The following ANKRD17 variants were observed in gnomAD, a reference collection of about 807,000 sequenced individuals.
ANKRD17 encodes the protein ankyrin repeat domain-containing protein 17.
In ANKRD17, 19 loss-of-function variants were observed where a neutral mutation model predicts 229.7. The ratio of observed to expected loss-of-function variants is 0.08; its 90% CI spans 0.06 to 0.12. The LOEUF (loss-of-function observed/expected upper bound fraction) is 0.12, where lower values mean the gene tolerates loss of function less well. Among genes scored for constraint, ANKRD17 ranks in the 10% least tolerant of loss-of-function variants. ANKRD17 has a pLI of 1.00. For missense variants in ANKRD17, 2,176 were observed against 3,176.8 expected (o/e 0.68, Z 7.57); for synonymous variants, 1,112 against 1,146.1 (o/e 0.97, Z 0.60).
chr4:73,102,188 T>TG (rs1724092528), intron 25 of ANKRD17, among the ~76,000 whole-genome samples, 188 bp downstream of exon 25: 1 of 152,172 alleles, frequency 6.6e-6, no homozygotes, highest in Non-Finnish European at 1.5e-5. Flanking sequence ...CTTGAACTCT[T>TG]AGACTCAAGT....
At chr4:73,164,561 C>T (rs1458643027) in intron 2 of ANKRD17, among the ~76,000 whole-genome samples, 2 of 152,002 alleles carry the variant, frequency 1.3e-5, no homozygotes, top group Non-Finnish European at 2.9e-5. Context: ...TACTACTTGG[C>T]GGGTGGATTT....
rs61024099 is a variant in ANKRD17, at chr4:73,086,919, AATATATATATAT to A, written c.6962-1485_6962-1474del. Among the ~76,000 whole-genome samples, 46 of 12,458 alleles carry A rather than the reference AATATATATATAT, an allele frequency of 3.7e-3. 3 individuals carry two copies. Among genetic ancestry groups the A allele is most frequent in the South Asian group, 0.036 (8 of 224 alleles). 8.2% of individuals were successfully genotyped at this position (12,458 alleles called of 152,430 possible). ...TCTCAAAAAAAAAAAAAAAAAAAAA[AATATATATATAT>A]ATATATATATATATATATATATCTG... On this transcript the variant is annotated intron_variant, in intron 29 of 33. Coordinates refer to ENST00000358602, the MANE Select transcript of ANKRD17 (RefSeq NM_032217.5).
At chr4:73,252,296 T>G (rs1312333806) in intron 1 of ANKRD17, among the ~76,000 whole-genome samples, 1 of 152,186 alleles carries the variant, frequency 6.6e-6, no homozygotes, top group Non-Finnish European at 1.5e-5. Flanking sequence ...CATGAAGATA[T>G]AAGAGAAAAG....
At chr4:73,205,106 G>A (rs968017606) in intron 1 of ANKRD17, among the ~76,000 whole-genome samples, 2 of 152,002 alleles carry the variant, frequency 1.3e-5, no homozygotes, top group Non-Finnish European at 2.9e-5. Context: ...TTGAAGCTAG[G>A]AGTTAAAGAC....
chr4:73,190,315 G>A (rs2149059065), intron 1 of ANKRD17, among the ~76,000 whole-genome samples: 1 of 152,196 alleles, frequency 6.6e-6, no homozygotes, highest in East Asian at 1.9e-4. Context: ...GCTGCAGTGA[G>A]CTGAGATTGC....
intron 24 of ANKRD17, chr4:73,112,936 C>A (rs1328242583): frequency 1.1e-5 from 4 of 374,022 alleles, no homozygotes; most frequent in South Asian, 5.4e-5. Flanking sequence ...TACAGGCATG[C>A]ACCACCACGT....
At chr4:73,228,119 T>C (rs1418100977) in intron 1 of ANKRD17, among the ~76,000 whole-genome samples, 2 of 152,170 alleles carry the variant, frequency 1.3e-5, no homozygotes, top group East Asian at 3.8e-4. Flanking sequence ...GTATCTCTCT[T>C]TTTCTCTTTT....
At chr4:73,100,787 A>C (rs760588420) in intron 25 of ANKRD17, 2 of 960,798 alleles carry the variant, frequency 2.1e-6, no homozygotes, top group Non-Finnish European at 2.5e-6. Context: ...GTAGTTTGAA[A>C]ATTTTCAAAA....
intron 1 of ANKRD17, among the ~76,000 whole-genome samples, chr4:73,245,299 T>C (rs1560782501): frequency 6.6e-6 from 1 of 152,198 alleles, no homozygotes; most frequent in Non-Finnish European, 1.5e-5. Flanking sequence ...AATGCTAATC[T>C]AGGTACTGCT....
At chr4:73,239,201 A>G (rs1743783245) in intron 1 of ANKRD17, among the ~76,000 whole-genome samples, 1 of 152,196 alleles carries the variant, frequency 6.6e-6, no homozygotes, top group Non-Finnish European at 1.5e-5. Flanking sequence ...ATCAGATCCT[A>G]TACCACTACA....
Position 73,121,083 on chromosome 4 carries a change from T to C in ANKRD17, c.3647A>G (p.Lys1216Arg). 6.8e-6 allele frequency: 11 copies of C among 1,613,726 alleles called. No individual in the cohort carries two copies. The highest frequency in any genetic ancestry group is 8.5e-6 in the Non-Finnish European group (10 of 1,179,754). The change falls in exon 20 of 34, where the codon AAA becomes AGA. Residue 1216 changes from lysine (K) to arginine (R), a missense_variant. Lys to Arg is a conservative substitution (Grantham distance 26). Coordinates refer to ENST00000358602, the MANE Select transcript of ANKRD17 (RefSeq NM_032217.5). The stretch of plus-strand genomic sequence containing the variant: ...TAACATCAGAGGAGAGATGCCCAAT[T>C]TGCTACCAGTTCTAGGGGTGCAGGT... Reference protein sequence around the residue: ...GAEINSRTGSKLGISPLMLAA... With the variant: ...GAEINSRTGSRLGISPLMLAA...
intron 25 of ANKRD17, chr4:73,099,026 G>A: frequency 1.0e-6 from 1 of 989,530 alleles, no homozygotes; most frequent in Non-Finnish European, 1.6e-6. Context: ...AAACAAGGGA[G>A]CTGCCAAGAC....
intron 29 of ANKRD17, among the ~76,000 whole-genome samples, chr4:73,086,410 A>G (rs1722129546): frequency 6.6e-6 from 1 of 152,182 alleles, no homozygotes; most frequent in African/African-American, 2.4e-5. Flanking sequence ...GGATAAAGAT[A>G]AAACATTTAC....
chr4:73,150,072 A>G (rs1730811089), intron 7 of ANKRD17, among the ~76,000 whole-genome samples: 1 of 152,050 alleles, frequency 6.6e-6, no homozygotes, highest in Non-Finnish European at 1.5e-5. Context: ...CACATTACAC[A>G]ATTTTAATGG....
intron 24 of ANKRD17, among the ~76,000 whole-genome samples, chr4:73,110,271 T>C (rs1307702496): frequency 1.3e-5 from 2 of 152,168 alleles, no homozygotes; most frequent in Non-Finnish European, 2.9e-5. Context: ...CAGGGACTCT[T>C]CCACTTAGTA....
In ANKRD17 at chr4:73,179,514, A is replaced by T. The variant is rs1477145394; in HGVS notation, c.394-1981T>A. Reference sequence around the variant, plus strand: ...TATATATATATATATATATATATATATATATTTTTTTTTTTTTTTTTAAAG... The same window carrying T: ...TATATATATATATATATATATATATTTATATTTTTTTTTTTTTTTTTAAAG... On this transcript the variant is annotated intron_variant, in intron 1 of 33. Transcript: ENST00000358602. Among the ~76,000 whole-genome samples, 247 of 65,074 alleles carry T rather than the reference A, an allele frequency of 3.8e-3. 2 individuals carry two copies. The highest frequency in any genetic ancestry group is 8.4e-3 in the African/African-American group (180 of 21,496). The allele number at this position is 65,074 out of a possible 152,430, so 42.7% of individuals were successfully genotyped here. A position where few individuals can be genotyped will look rare whatever the true frequency, so the allele number is the denominator to read the frequency against.
chr4:73,232,728 C>G lies in ANKRD17; in HGVS notation c.393+25548G>C, dbSNP rs186485264. 2.9e-3 allele frequency among the ~76,000 whole-genome samples: 447 copies of G among 152,032 alleles called. 3 individuals carry two copies. The highest frequency in any genetic ancestry group is 0.01 in the African/African-American group (421 of 41,502). ...GCCACCACATGTCTGCAATACCCCC[C>G]CTTTTTATTTTTTGAGACAGAGCCT... is the stretch of plus-strand genomic sequence containing the variant. On this transcript the variant is annotated intron_variant, in intron 1 of 33. Transcript: ENST00000358602.
intron 1 of ANKRD17, among the ~76,000 whole-genome samples, chr4:73,200,425 T>A (rs1029970310): frequency 6.6e-6 from 1 of 152,132 alleles, no homozygotes; most frequent in African/African-American, 2.4e-5. Context: ...AGTAAGATCC[T>A]GTCTCTTTAA....
intron 14 of ANKRD17, among the ~76,000 whole-genome samples, chr4:73,140,779 G>A (rs1249727041): frequency 6.6e-6 from 1 of 152,074 alleles, no homozygotes; most frequent in Non-Finnish European, 1.5e-5. Flanking sequence ...GAAGTAACAA[G>A]AAATTAAAAT....
Sources: allele counts gnomAD v4.1 joint callset (sites outside exome capture counted in the v4.1 genomes callset), GRCh38; gene constraint gnomAD v4.1.1; transcripts MANE v1.5; gene names NCBI Gene and HGNC (gene_info 2026-07-23, HGNC 2026-07-21).